CCDC171: variants seen among roughly 807,000 people sequenced by gnomAD.
The protein encoded by CCDC171 is coiled-coil domain-containing protein 171.
A neutral mutation model predicts 168.2 loss-of-function variants in CCDC171; 177 were observed. The observed-to-expected ratio is 1.05, with a 90% confidence interval of 0.93 to 1.19. The LOEUF (loss-of-function observed/expected upper bound fraction) is 1.19. CCDC171 is among the 50% of genes most tolerant of loss of function. CCDC171 has a pLI of 0.00. For missense variants in CCDC171, 1,991 were observed against 1,539.0 expected, an observed-to-expected ratio of 1.29 and a Z score of -4.91; for synonymous variants, 687 against 540.8, an observed-to-expected ratio of 1.27 and a Z score of -3.75.
At chr9:15,982,452 A>G (rs1332477413) in intron 3 of CCDC171, among the ~76,000 whole-genome samples, 1 of 152,182 alleles carries the variant, frequency 6.6e-6, no homozygotes, top group Non-Finnish European at 1.5e-5. Flanking sequence ...CAAATGGCAC[A>G]CAGTAGTTAC....
intron 10 of CCDC171, among the ~76,000 whole-genome samples, chr9:15,690,355 A>G (rs2050700649): frequency 6.6e-6 from 1 of 152,212 alleles, no homozygotes; most frequent in Admixed American, 6.5e-5. Context: ...AAGCAATGAA[A>G]CAGTAAGGAG....
At chr9:15,898,411 A>G (rs937649030) in intron 24 of CCDC171, among the ~76,000 whole-genome samples, 1 of 152,124 alleles carries the variant, frequency 6.6e-6, no homozygotes, top group African/African-American at 2.4e-5. Flanking sequence ...TGGTGTTGCT[A>G]TCACAGTCAG....
At chr9:15,949,065 T>C (rs896119520) in intron 25 of CCDC171, among the ~76,000 whole-genome samples, 2 of 152,134 alleles carry the variant, frequency 1.3e-5, no homozygotes, top group Non-Finnish European at 2.9e-5. Context: ...CCCAGCACCA[T>C]TTATTAAATA....
At chr9:15,662,291 C>G (rs1564161806) in intron 8 of CCDC171, among the ~76,000 whole-genome samples, 1 of 151,876 alleles carries the variant, frequency 6.6e-6, no homozygotes, top group East Asian at 1.9e-4. Flanking sequence ...CCCCCTCCCC[C>G]CCAAAAAAGA....
chr9:15,889,732 A>C (rs1819937376), intron 24 of CCDC171, among the ~76,000 whole-genome samples: 1 of 152,144 alleles, frequency 6.6e-6, no homozygotes, highest in African/African-American at 2.4e-5. Context: ...TTGACACATA[A>C]CTTACTTATC....
rs527592822 is a variant in CCDC171 at position 15,778,643 on chromosome 9, C to CAAAAAA, written c.2899-308_2899-303dup. ...CCTGGCCTACAGAGTAAGACTGTCT[C>CAAAAAA]AAAAAAAAAAAAAAAAAAAAAAGGC... On this transcript the variant is annotated intron_variant, in intron 19 of 25. Coordinates refer to ENST00000380701, the MANE Select transcript of CCDC171 (RefSeq NM_173550.4). 4.3e-4 allele frequency among the ~76,000 whole-genome samples: 25 copies of CAAAAAA among 58,788 alleles called. 1 individual carries two copies. The highest frequency in any genetic ancestry group is 1.0e-3 in the African/African-American group (15 of 14,988). 38.6% of individuals were successfully genotyped at this position (58,788 alleles called of 152,430 possible).
the CCDC171 span, among the ~76,000 whole-genome samples, chr9:16,102,737 C>A: frequency 6.6e-6 from 1 of 152,178 alleles, no homozygotes. Context: ...AGCTCTTCGT[C>A]CCCCTGGCCT....
At chr9:15,699,471 C>G (rs1457038353) in intron 11 of CCDC171, among the ~76,000 whole-genome samples, 1 of 152,138 alleles carries the variant, frequency 6.6e-6, no homozygotes, top group Non-Finnish European at 1.5e-5. Flanking sequence ...ATTCTCTTAT[C>G]CGGCCCCACC....
upstream of CCDC171, among the ~76,000 whole-genome samples, chr9:16,042,244 C>T (rs536353358): frequency 6.6e-6 from 1 of 152,248 alleles, no homozygotes; most frequent in African/African-American, 2.4e-5. Context: ...CAAATTAGAC[C>T]AGAGAGCCTT....
chr9:15,677,865 ATG>A (rs71325928), intron 9 of CCDC171, among the ~76,000 whole-genome samples: 3 of 99,518 alleles, frequency 3.0e-5, no homozygotes, highest in Non-Finnish European at 3.9e-5. Context: ...GTATATATAT[ATG>A]TGTGTGTGTG....
At chr9:15,790,602 T>G (rs888635581) in intron 21 of CCDC171, among the ~76,000 whole-genome samples, 1 of 152,216 alleles carries the variant, frequency 6.6e-6, no homozygotes, top group African/African-American at 2.4e-5. Flanking sequence ...TTAGTTTAAT[T>G]AGATCCCATT....
At chr9:15,813,955 T>A (rs1433169109) in intron 21 of CCDC171, among the ~76,000 whole-genome samples, 1 of 152,188 alleles carries the variant, frequency 6.6e-6, no homozygotes, top group African/African-American at 2.4e-5. Flanking sequence ...GAGGTCAGGA[T>A]AATTAAATTT....
intron 11 of CCDC171, among the ~76,000 whole-genome samples, chr9:15,701,690 T>C (rs1033725322): frequency 6.6e-6 from 1 of 152,016 alleles, no homozygotes; most frequent in Admixed American, 6.6e-5. Flanking sequence ...CAATTTCTTT[T>C]AAAATTGAGG....
At chr9:15,650,619 C>T (rs575758514) in intron 7 of CCDC171, among the ~76,000 whole-genome samples, 4 of 152,036 alleles carry the variant, frequency 2.6e-5, no homozygotes, top group South Asian at 2.1e-4. Flanking sequence ...GATACTAGAA[C>T]GTGCTCAGAT....
At chr9:16,046,485 A>T (rs566641288) in intron 1 of CCDC171, among the ~76,000 whole-genome samples, 1 of 152,214 alleles carries the variant, frequency 6.6e-6, no homozygotes, top group Non-Finnish European at 1.5e-5. Context: ...TTCAGTGGAC[A>T]TATTTTTCCC....
At chr9:15,935,611 A>G (rs1271987004) in intron 25 of CCDC171, among the ~76,000 whole-genome samples, 1 of 152,066 alleles carries the variant, frequency 6.6e-6, no homozygotes, top group East Asian at 1.9e-4. Flanking sequence ...TCATTTACAA[A>G]TGTATACCAG....
intron 11 of CCDC171, among the ~76,000 whole-genome samples, chr9:15,706,921 G>C (rs2052288513): frequency 6.6e-6 from 1 of 152,216 alleles, no homozygotes; most frequent in African/African-American, 2.4e-5. Context: ...CAGTCTCAGG[G>C]AGTGCTCTTG....
intron 9 of CCDC171, among the ~76,000 whole-genome samples, chr9:15,674,432 A>G (rs1441281702): frequency 1.3e-5 from 2 of 151,938 alleles, no homozygotes; most frequent in African/African-American, 4.8e-5. Context: ...TTGCTTCTGT[A>G]ATTCTTTAAT....
chr9:16,072,837 C>T, the CCDC171 span, among the ~76,000 whole-genome samples: 1 of 152,184 alleles, frequency 6.6e-6, no homozygotes, highest in Non-Finnish European at 1.5e-5. Flanking sequence ...AGCAGAGCTG[C>T]GTCTTAGCAT....
Sources: allele counts gnomAD v4.1 joint callset (sites outside exome capture counted in the v4.1 genomes callset), GRCh38; gene constraint gnomAD v4.1.1; transcripts MANE v1.5; gene names NCBI Gene and HGNC (gene_info 2026-07-23, HGNC 2026-07-21).